The following CCDC7 variants were observed in gnomAD, a reference collection of about 807,000 sequenced individuals.
CCDC7 encodes coiled-coil domain containing 7.
Under a neutral mutation model 196.9 loss-of-function variants are expected in CCDC7, and 183 were observed. The observed-to-expected ratio is 0.93, with a 90% CI of 0.82 to 1.05. The LOEUF (loss-of-function observed/expected upper bound fraction) is 1.05, where lower values mean the gene tolerates loss of function less well. Ranked by LOEUF, CCDC7 falls within the 50% of genes least tolerant of loss-of-function variation. The probability of loss-of-function intolerance (pLI) is 0.00; values close to 1 mark genes in which losing one functional copy is unlikely to be tolerated. For synonymous variants in CCDC7, 525 were observed against 484.6 expected, an observed-to-expected ratio of 1.08 and a Z score of -1.10; for missense variants, 1,540 against 1,482.2, an observed-to-expected ratio of 1.04 and a Z score of -0.64.
At position 32,871,230 on chromosome 10, in the gene CCDC7, T is replaced by C. The variant is rs527441488; in HGVS notation, c.4112-5117T>C. On this transcript the variant is annotated intron_variant, in intron 41 of 41. Transcript: ENST00000639629. ...ATTCGGCTGTGAATCCATCGGGTCC[T>C]GGACTTTTTTTGGTTGGTAAGCTAT... 2.6e-5 allele frequency among the ~76,000 whole-genome samples: 4 copies of C among 152,300 alleles called. No homozygotes were observed. In the East Asian group the frequency reaches 5.8e-4, roughly 22 times the overall value.
intron 13 of CCDC7, among the ~76,000 whole-genome samples, chr10:32,550,865 T>C (rs911436162): frequency 1.3e-5 from 2 of 152,160 alleles, no homozygotes; most frequent in Non-Finnish European, 2.9e-5. Context: ...TTTTCTTTTT[T>C]AGTTATGTCT....
intron 29 of CCDC7, among the ~76,000 whole-genome samples, chr10:32,798,010 T>C (rs1488816722): frequency 6.6e-6 from 1 of 152,158 alleles, no homozygotes; most frequent in East Asian, 1.9e-4. Flanking sequence ...CACTTCTTTA[T>C]CTATAAAGTG....
At chr10:32,830,647 T>C (rs772828802) in intron 32 of CCDC7, among the ~76,000 whole-genome samples, 2 of 152,178 alleles carry the variant, frequency 1.3e-5, no homozygotes, top group Admixed American at 1.3e-4. Flanking sequence ...TGTGATGTTT[T>C]AGTGCATGTA....
chr10:32,555,867 T>C (rs2054258936), intron 13 of CCDC7, among the ~76,000 whole-genome samples: 1 of 152,198 alleles, frequency 6.6e-6, no homozygotes, highest in African/African-American at 2.4e-5. Flanking sequence ...TAAGTTTTAT[T>C]CCTATGTCTG....
chr10:32,633,044 A>G (rs1006913241), intron 18 of CCDC7, among the ~76,000 whole-genome samples: 2 of 152,120 alleles, frequency 1.3e-5, no homozygotes, highest in Non-Finnish European at 2.9e-5. Context: ...TGGGATGTTA[A>G]AGTCTCCACC....
upstream of CCDC7, among the ~76,000 whole-genome samples, chr10:32,448,926 T>C (rs2032209672): frequency 6.6e-6 from 1 of 152,126 alleles, no homozygotes; most frequent in South Asian, 2.1e-4. Flanking sequence ...TTTGCATTAT[T>C]TTTTATTCTT....
At chr10:32,750,204 A>G (rs567202818) in intron 28 of CCDC7, among the ~76,000 whole-genome samples, 85 of 152,136 alleles carry the variant, frequency 5.6e-4, no homozygotes, top group African/African-American at 2.0e-3. Flanking sequence ...ATGTAACCAT[A>G]TTTTGTTTAT....
At chr10:32,444,671 T>C (rs180837064), upstream of CCDC7, among the ~76,000 whole-genome samples, 199 of 152,336 alleles carry the variant, frequency 1.3e-3, no homozygotes, top group African/African-American at 4.4e-3. Context: ...TTTTGGGAGA[T>C]TTGGAATTTA....
At position 32,542,055 on chromosome 10, in the gene CCDC7, C is replaced by G. The variant is rs187493747; in HGVS notation, c.994-1245C>G. Among the ~76,000 whole-genome samples the G allele has an allele frequency of 5.6e-4, 86 of 152,232 alleles. No homozygotes were observed. In the Middle Eastern group the frequency reaches 0.014, roughly 24 times the overall value. ...CCTACAGGGTCAATGTTCACTAGCC[C>G]CTTTTGTTTCTGCTCTGTGAGAATG... On this transcript the variant is annotated intron_variant, in intron 11 of 41. Coordinates refer to ENST00000639629, the Ensembl canonical transcript of CCDC7.
Position 32,790,968 on chromosome 10 carries a change from C to G in CCDC7, c.3013+11884C>G, listed in dbSNP as rs912213309. On this transcript the variant is annotated intron_variant, in intron 29 of 41. Coordinates refer to ENST00000639629, the Ensembl canonical transcript of CCDC7. The stretch of plus-strand genomic sequence containing the variant: ...CCTGCAAGTCATATCAGACCCAACA[C>G]CAAGAGGGATTTCTCAGCTAAGTTT... Among the ~76,000 whole-genome samples the G allele has an allele frequency of 5.1e-4, 78 of 152,124 alleles. 3 individuals are homozygous for G. Among genetic ancestry groups the G allele is most frequent in the Admixed American group, 5.1e-3 (78 of 15,282 alleles).
At chr10:32,580,126 CT>C (rs946591479) in intron 16 of CCDC7, among the ~76,000 whole-genome samples, 4 of 151,442 alleles carry the variant, frequency 2.6e-5, no homozygotes, top group Admixed American at 6.6e-5. Flanking sequence ...TAACTGATGA[CT>C]TTTTTTTTCT....
intron 21 of CCDC7, among the ~76,000 whole-genome samples, chr10:32,667,022 T>A (rs1591349690): frequency 6.6e-6 from 1 of 152,142 alleles, no homozygotes; most frequent in Non-Finnish European, 1.5e-5. Context: ...TTTCTCCACA[T>A]CCTCTCCAGC....
chr10:32,717,043 C>T (rs2081707443), intron 25 of CCDC7, among the ~76,000 whole-genome samples: 2 of 152,218 alleles, frequency 1.3e-5, no homozygotes, highest in South Asian at 4.1e-4. Flanking sequence ...TAATAGACAT[C>T]TACAGAACTC....
At chr10:32,803,825 T>C (rs2085288407) in intron 29 of CCDC7, among the ~76,000 whole-genome samples, 1 of 152,172 alleles carries the variant, frequency 6.6e-6, no homozygotes, top group Non-Finnish European at 1.5e-5. Context: ...CTTAGCTTTG[T>C]AATTGGTGGC....
At chr10:32,828,535 AAGAAGAAGAAGAAGAAG>A (rs2091710121) in intron 32 of CCDC7, among the ~76,000 whole-genome samples, 1 of 150,614 alleles carries the variant, frequency 6.6e-6, no homozygotes, top group Non-Finnish European at 1.5e-5. Flanking sequence ...GAAGAAGAAG[AAGAAGAAGAAGAAGAAG>A]AAGAAGAAAG....
At chr10:32,774,937 G>T (rs759329052) in intron 28 of CCDC7, among the ~76,000 whole-genome samples, 1 of 152,114 alleles carries the variant, frequency 6.6e-6, no homozygotes, top group Non-Finnish European at 1.5e-5. Flanking sequence ...TGTTGTTGTT[G>T]TTAAAGAAGC....
At chr10:32,729,430 C>A in exon 28 of CCDC7, 1 of 1,348,426 alleles carries the variant, frequency 7.4e-7, no homozygotes, top group Non-Finnish European at 1.0e-6. Flanking sequence ...AACGAAGAAA[C>A]TTCAAGCTAA....
intron 25 of CCDC7, among the ~76,000 whole-genome samples, chr10:32,715,002 G>A (rs2081368757): frequency 6.6e-6 from 1 of 152,338 alleles, no homozygotes; most frequent in Non-Finnish European, 1.5e-5. Context: ...CTGACTGCTG[G>A]CTTTGAAGAG....
Position 32,456,377 on chromosome 10 carries a change from T to G in CCDC7, c.456+43T>G, listed in dbSNP as rs1357498994. 2.6e-5 allele frequency: 36 copies of G among 1,400,566 alleles called. No individual in the cohort carries two copies. In the Admixed American group the frequency reaches 8.0e-4, roughly 31 times the overall value. 86.8% of individuals were successfully genotyped at this position (1,400,566 alleles called of 1,614,324 possible). A position where few individuals can be genotyped will look rare whatever the true frequency, so the allele number is the denominator to read the frequency against. On this transcript the variant is annotated intron_variant, in intron 3 of 41. Transcript: ENST00000639629. Reference sequence around the variant, plus strand: ...ACTGTCAAGTATAAAATATCAAACTTGTACTGGTTGTTGAAAATTGAATCT... The same window carrying G: ...ACTGTCAAGTATAAAATATCAAACTGGTACTGGTTGTTGAAAATTGAATCT...
Sources: gnomAD v4.1 joint callset for allele counts (sites outside exome capture counted in the v4.1 genomes callset) on GRCh38, gnomAD v4.1.1 for gene constraint, MANE v1.5 for transcripts, NCBI Gene and HGNC (gene_info 2026-07-23, HGNC 2026-07-21) for gene names.